VEPH1: variants seen among roughly 807,000 people sequenced by gnomAD.
VEPH1 encodes ventricular zone expressed PH domain containing 1.
VEPH1 carries 80 observed loss-of-function variants against 85.2 expected under a neutral mutation model. The ratio of observed to expected loss-of-function variants is 0.94; its 90% CI spans 0.78 to 1.13. The LOEUF is 1.13. VEPH1 is among the 50% of genes most tolerant of loss of function. The pLI is 0.00. For synonymous variants in VEPH1, 297 were observed against 348.0 expected (o/e 0.85, Z 1.63); for missense variants, 955 against 980.5 (o/e 0.97, Z 0.35).
intron 12 of VEPH1, among the ~76,000 whole-genome samples, chr3:157,284,328 A>G (rs1332497288): frequency 6.6e-6 from 1 of 152,216 alleles, no homozygotes; most frequent in African/African-American, 2.4e-5. Context: ...TTTCTTTTAG[A>G]GCAGAGACAC....
At chr3:157,501,609 A>G (rs1280015181) in intron 1 of VEPH1, among the ~76,000 whole-genome samples, 1 of 152,228 alleles carries the variant, frequency 6.6e-6, no homozygotes, top group African/African-American at 2.4e-5. Flanking sequence ...CTAAATGAAA[A>G]TATACATGAA....
Position 157,369,193 on chromosome 3 carries a change from A to AAAAAAAAAAAAAC in VEPH1, c.1128-4682_1128-4681insGTTTTTTTTTTTT, listed in dbSNP as rs1553773125. Reference sequence around the variant, plus strand: ...CAAAAACCAAATGAAAAAAAAAAAAAAAAAAAAAAAACCTCCTGAGGTCTA... The same window carrying AAAAAAAAAAAAAC: ...CAAAAACCAAATGAAAAAAAAAAAAAAAAAAAAAAAAACAAAAAAAAAAACCTCCTGAGGTCTA... On this transcript the variant is annotated intron_variant, in intron 7 of 13. Transcript: ENST00000362010. 4.3e-5 allele frequency among the ~76,000 whole-genome samples: 6 copies of AAAAAAAAAAAAAC among 140,630 alleles called. No homozygotes were observed. In the East Asian group the frequency reaches 1.1e-3, roughly 26 times the overall value. 92.3% of individuals were successfully genotyped at this position (140,630 alleles called of 152,430 possible).
chr3:157,450,784 T>G (rs1260007624), intron 4 of VEPH1, among the ~76,000 whole-genome samples: 2 of 152,130 alleles, frequency 1.3e-5, no homozygotes, highest in African/African-American at 2.4e-5. Context: ...TATTAAGCCG[T>G]CCTGCATTTG....
intron 6 of VEPH1, among the ~76,000 whole-genome samples, chr3:157,389,678 GATA>G: frequency 6.7e-6 from 1 of 150,256 alleles, no homozygotes; most frequent in South Asian, 2.1e-4. Context: ...TAGATAGATA[GATA>G]GATAGATAGA....
chr3:157,413,514 G>A, intron 6 of VEPH1: 1 of 985,384 alleles, frequency 1.0e-6, no homozygotes, highest in Non-Finnish European at 1.2e-6. Flanking sequence ...TTTATTGGTT[G>A]TTGTTACTGC....
rs781480848 is a variant in VEPH1 at position 157,437,010 on chromosome 3, T to C, written c.530-8522A>G. The stretch of plus-strand genomic sequence containing the variant: ...GAGAACTCGGATGATTATGATCTCA[T>C]GTATGTGAATTTGGACAACGAAATA... On this transcript the variant is annotated intron_variant, in intron 4 of 13. Transcript: ENST00000362010. 26 of 1,614,084 alleles carry C rather than the reference T, an allele frequency of 1.6e-5. 1 individual carries two copies. In the South Asian group the frequency reaches 2.9e-4, roughly 18 times the overall value.
intron 6 of VEPH1, among the ~76,000 whole-genome samples, chr3:157,391,389 C>CCTAGAGCTAA (rs2108920446): frequency 1.3e-5 from 2 of 152,298 alleles, no homozygotes; most frequent in South Asian, 4.1e-4. Context: ...TCTTTCAAGC[C>CCTAGAGCTAA]CTAGAGCTAA....
At chr3:157,352,175 C>T (rs974078024) in intron 9 of VEPH1, among the ~76,000 whole-genome samples, 7 of 152,122 alleles carry the variant, frequency 4.6e-5, no homozygotes, top group African/African-American at 1.7e-4. Flanking sequence ...ATATTGTTGC[C>T]CTCCTTACTA....
Position 157,390,793 on chromosome 3 carries a change from C to A in VEPH1, c.907-9417G>T, listed in dbSNP as rs541786317. ...GTGGGTGGTGACCTGTTCCCATTTG[C>A]CAGACTAGGGGAAAAGAGCTGCGAC... is the stretch of plus-strand genomic sequence containing the variant. On this transcript the variant is annotated intron_variant, in intron 6 of 13. Coordinates refer to ENST00000362010, the MANE Select transcript of VEPH1 (RefSeq NM_001167912.2). Among the ~76,000 whole-genome samples, 142 of 152,276 alleles carry A rather than the reference C, an allele frequency of 9.3e-4. 1 individual carries two copies. Among genetic ancestry groups the A allele is most frequent in the Admixed American group, 3.3e-3 (50 of 15,302 alleles).
chr3:157,265,018 CTATTA>C (rs1332789511), intron 13 of VEPH1, among the ~76,000 whole-genome samples: 1 of 151,974 alleles, frequency 6.6e-6, no homozygotes, highest in Non-Finnish European at 1.5e-5. Flanking sequence ...GATCATAATT[CTATTA>C]TATTCATTAA....
At chr3:157,279,502 G>A (rs1305551777) in intron 12 of VEPH1, among the ~76,000 whole-genome samples, 1 of 152,104 alleles carries the variant, frequency 6.6e-6, no homozygotes, top group Non-Finnish European at 1.5e-5. Flanking sequence ...TAAAGGGGAA[G>A]TGAGAGATAA....
At chr3:157,351,095 T>G (rs59876369) in intron 9 of VEPH1, among the ~76,000 whole-genome samples, 15,616 of 151,926 alleles carry the variant, frequency 0.1, 2,542 homozygotes, top group African/African-American at 0.34. Context: ...CTATTCACAA[T>G]AGTTAAGATA....
chr3:157,384,006 T>TG lies in VEPH1; in HGVS notation c.907-2631dup, dbSNP rs1729038530. Among the ~76,000 whole-genome samples the TG allele has an allele frequency of 2.6e-5, 4 of 152,202 alleles. No homozygotes were observed. The South Asian group carries it at 8.3e-4, about 31-fold the overall frequency. On this transcript the variant is annotated intron_variant, in intron 6 of 13. Coordinates refer to ENST00000362010, the MANE Select transcript of VEPH1 (RefSeq NM_001167912.2). ...CTGATTTAAAGGTAAAAGCTGGATG[T>TG]GGGGGGTCCCTACCATATGCCAGAC...
intron 10 of VEPH1, chr3:157,316,085 T>C (rs902542994): frequency 6.6e-6 from 1 of 152,114 alleles, no homozygotes. Flanking sequence ...TCTCTTTTCT[T>C]AATTGCTATA....
chr3:157,451,096 T>C (rs545113357), intron 4 of VEPH1, among the ~76,000 whole-genome samples: 4 of 152,354 alleles, frequency 2.6e-5, no homozygotes, highest in East Asian at 1.9e-4. Flanking sequence ...ACTAGCCCTG[T>C]AGAATAAGGT....
chr3:157,442,904 T>C, intron 4 of VEPH1: 1 of 1,614,182 alleles, frequency 6.2e-7, no homozygotes, highest in Non-Finnish European at 8.5e-7. Context: ...CAGAGTCTTG[T>C]CACATCCGGG....
chr3:157,413,539 T>C, intron 6 of VEPH1: 1 of 985,398 alleles, frequency 1.0e-6, no homozygotes, highest in African/African-American at 1.7e-5. Flanking sequence ...TGGTCTTGAA[T>C]CTTTCAGTGC....
chr3:157,263,028 A>T (rs189983318), intron 13 of VEPH1, among the ~76,000 whole-genome samples: 142 of 152,344 alleles, frequency 9.3e-4, no homozygotes, highest in African/African-American at 2.3e-3. Context: ...ACTATTGCCT[A>T]GCTAGTTTGT....
intron 6 of VEPH1, 55 bp downstream of exon 6, chr3:157,413,826 T>C: frequency 1.3e-6 from 2 of 1,567,018 alleles, no homozygotes; most frequent in Non-Finnish European, 1.7e-6. Flanking sequence ...ATTAAATAGG[T>C]TGGATTAAGT....
Sources: allele counts gnomAD v4.1 joint callset (sites outside exome capture counted in the v4.1 genomes callset), GRCh38; gene constraint gnomAD v4.1.1; transcripts MANE v1.5; gene names NCBI Gene and HGNC (gene_info 2026-07-23, HGNC 2026-07-21).